Variants in IREB2 observed in about 807,000 individuals in gnomAD.
IREB2 encodes iron responsive element binding protein 2, also known as iron-responsive element-binding protein 2.
IREB2 carries 39 observed loss-of-function variants against 118.8 expected under a neutral mutation model. The observed-to-expected ratio is 0.33, with a 90% CI of 0.25 to 0.43. The LOEUF is 0.43. Ranked by LOEUF, IREB2 falls within the 20% of genes least tolerant of loss-of-function variation. The probability of loss-of-function intolerance (pLI) is 1.00; values close to 1 mark genes in which losing one functional copy is unlikely to be tolerated. For synonymous variants in IREB2, 372 were observed against 392.2 expected, an observed-to-expected ratio of 0.95 and a Z score of 0.61; for missense variants, 900 against 1,147.3, an observed-to-expected ratio of 0.78 and a Z score of 3.11.
Position 78,499,104 on chromosome 15 carries a change from A to G in IREB2, c.*961A>G, listed in dbSNP as rs541025049. The G allele has an allele frequency of 1.3e-5, 2 of 152,280 alleles. No individual in the cohort carries two copies. Among genetic ancestry groups the G allele is most frequent in the East Asian group, 1.9e-4 (1 of 5,186 alleles). 9.4% of individuals were successfully genotyped at this position (152,280 alleles called of 1,614,324 possible). On this transcript the variant is annotated 3_prime_UTR_variant, in exon 22 of 22. Transcript: ENST00000258886. ...ATAATACGGGTGCTCAACCCTATGC[A>G]TTTTTTAAGTGTTGCTATTTCTTAA...
At chr15:78,441,180 G>T (rs977728330) in intron 2 of IREB2, among the ~76,000 whole-genome samples, 16 of 152,138 alleles carry the variant, frequency 1.1e-4, no homozygotes, top group African/African-American at 3.9e-4. Context: ...GTGAAATACA[G>T]CTATTTTGGA....
rs191914950 is a variant in IREB2, at chr15:78,439,360, G to T, written c.20-435G>T. On this transcript the variant is annotated intron_variant, in intron 1 of 21. Coordinates refer to ENST00000258886, the MANE Select transcript of IREB2 (RefSeq NM_004136.4). ...TTAATCAGTCCCTCTAATGTTAATT[G>T]TGGAATTCACAAATTCCTGTCTCTG... Among the ~76,000 whole-genome samples the T allele has an allele frequency of 1.1e-3, 162 of 150,984 alleles. 1 individual carries two copies. The highest frequency in any genetic ancestry group is 6.8e-3 in the Middle Eastern group (2 of 294).
At position 78,476,130 on chromosome 15, in the gene IREB2, A is replaced by G. The variant is rs1018461888; in HGVS notation, c.1024-58A>G. ...AATTTTATTTTATAGTTTTCAGACA[A>G]TCGTTGCTAATCTTATCTTTGCAAT... On this transcript the variant is annotated intron_variant, in intron 8 of 21. Transcript: ENST00000258886. 40 of 1,290,182 alleles carry G rather than the reference A, an allele frequency of 3.1e-5. No individual in the cohort carries two copies. The South Asian group carries it at 3.8e-4, about 12-fold the overall frequency. The allele number at this position is 1,290,182 out of a possible 1,614,324, so 79.9% of individuals were successfully genotyped here. A position where few individuals can be genotyped will look rare whatever the true frequency, so the allele number is the denominator to read the frequency against.
chr15:78,446,984 GA>G (rs912613804), intron 2 of IREB2, among the ~76,000 whole-genome samples: 9 of 151,728 alleles, frequency 5.9e-5, no homozygotes, highest in African/African-American at 1.7e-4. Flanking sequence ...ATGAAGAGAA[GA>G]AAAAAAACTT....
At chr15:78,438,594 G>A (rs1297987813) in intron 1 of IREB2, 7 of 544,406 alleles carry the variant, frequency 1.3e-5, no homozygotes, top group African/African-American at 5.9e-5. Flanking sequence ...CCCCACCGCT[G>A]GCCTTGACCC....
chr15:78,477,945 GGT>G (rs1340011651), intron 9 of IREB2, among the ~76,000 whole-genome samples: 1 of 151,846 alleles, frequency 6.6e-6, no homozygotes, highest in Non-Finnish European at 1.5e-5. Flanking sequence ...TTATTGGCGG[GGT>G]GTGGTGGCTC....
intron 2 of IREB2, among the ~76,000 whole-genome samples, chr15:78,444,653 G>A (rs954960068): frequency 6.6e-6 from 1 of 152,070 alleles, no homozygotes; most frequent in Non-Finnish European, 1.5e-5. Flanking sequence ...AAAAAGACAA[G>A]AACATTGCAG....
At chr15:78,444,572 A>G (rs1595983219) in intron 2 of IREB2, among the ~76,000 whole-genome samples, 3 of 152,030 alleles carry the variant, frequency 2.0e-5, no homozygotes, top group East Asian at 1.9e-4. Context: ...TCCAAATCCT[A>G]CCTTGCAGCC....
chr15:78,478,081 T>TA (rs531329014), intron 9 of IREB2, among the ~76,000 whole-genome samples: 5,499 of 126,518 alleles, frequency 0.043, 109 homozygotes, highest in East Asian at 0.096. Context: ...AAAACATTTG[T>TA]AAAAAAAAAA....
At chr15:78,476,879 A>G (rs1771372984) in intron 9 of IREB2, among the ~76,000 whole-genome samples, 1 of 152,220 alleles carries the variant, frequency 6.6e-6, no homozygotes, top group African/African-American at 2.4e-5. Context: ...TTAGATTAAA[A>G]CAGAAAGTAT....
chr15:78,490,127 T>G (rs1257458750), intron 16 of IREB2, among the ~76,000 whole-genome samples: 1 of 152,176 alleles, frequency 6.6e-6, no homozygotes, highest in Non-Finnish European at 1.5e-5. Flanking sequence ...GAACACACTG[T>G]TTTGGCTGGG....
upstream of IREB2, among the ~76,000 whole-genome samples, chr15:78,437,936 A>G (rs746059773): frequency 2.0e-5 from 3 of 152,178 alleles, no homozygotes; most frequent in Non-Finnish European, 4.4e-5. Context: ...GAACGCAAAC[A>G]CCGCTCGAAT....
chr15:78,465,587 C>T (rs906597744), intron 4 of IREB2, among the ~76,000 whole-genome samples, 199 bp downstream of exon 4: 1 of 151,938 alleles, frequency 6.6e-6, no homozygotes, highest in East Asian at 1.9e-4. Context: ...TTTCTGCTGC[C>T]GTTTTTGATA....
chr15:78,472,171 A>G (rs2051390874), intron 7 of IREB2, among the ~76,000 whole-genome samples: 1 of 152,136 alleles, frequency 6.6e-6, no homozygotes, highest in Admixed American at 6.5e-5. Flanking sequence ...TGAATAATTG[A>G]ATGATGATGA....
intron 5 of IREB2, among the ~76,000 whole-genome samples, chr15:78,466,839 C>CAT (rs1440259937): frequency 6.6e-6 from 1 of 152,022 alleles, no homozygotes; most frequent in Non-Finnish European, 1.5e-5. Flanking sequence ...GTTAGTCATT[C>CAT]ATATTTCTTA....
Position 78,439,800 on chromosome 15 carries a change from G to A in IREB2, c.25G>A (p.Ala9Thr), listed in dbSNP as rs1193928030. The A allele has an allele frequency of 1.9e-6, 3 of 1,568,586 alleles. No individual in the cohort carries two copies. The highest frequency in any genetic ancestry group is 1.2e-5 in the South Asian group (1 of 84,264). MDAPKAGY[A>T]FEYLIETLND... ...AAATACAATTTTTTTTTCAGGATAC[G>A]CCTTTGAGTACCTTATTGAAACATT... Residue 9 changes from alanine to threonine, a missense_variant, in exon 2 of 22, where the codon GCC becomes ACC. Ala to Thr is a moderately conservative substitution (Grantham distance 58). Coordinates refer to ENST00000258886, the MANE Select transcript of IREB2 (RefSeq NM_004136.4).
At chr15:78,439,492 C>T (rs891907215) in intron 1 of IREB2, among the ~76,000 whole-genome samples, 16 of 152,240 alleles carry the variant, frequency 1.1e-4, no homozygotes, top group Admixed American at 3.3e-4. Flanking sequence ...AATTATCTTA[C>T]TAGTTTTTAC....
At chr15:78,451,723 C>G (rs907894250) in intron 2 of IREB2, among the ~76,000 whole-genome samples, 2 of 152,004 alleles carry the variant, frequency 1.3e-5, no homozygotes, top group Non-Finnish European at 2.9e-5. Flanking sequence ...GAGTTTCACT[C>G]TAGTCTCCCA....
intron 20 of IREB2, among the ~76,000 whole-genome samples, chr15:78,496,722 G>T (rs72738746): frequency 0.011 from 1,624 of 152,180 alleles, 18 homozygotes; most frequent in Middle Eastern, 0.021. Context: ...AAGCCACTGC[G>T]CCTGGCCCTA....
Sources: allele counts gnomAD v4.1 joint callset (sites outside exome capture counted in the v4.1 genomes callset), GRCh38; gene constraint gnomAD v4.1.1; transcripts MANE v1.5; gene names NCBI Gene and HGNC (gene_info 2026-07-23, HGNC 2026-07-21).